ITGA5: variants seen among roughly 807,000 people sequenced by gnomAD.
The protein encoded by ITGA5 is integrin subunit alpha 5.
In ITGA5, 55 loss-of-function variants were observed where a neutral mutation model predicts 146.3. The observed-to-expected ratio is 0.38, with a 90% CI of 0.30 to 0.47. The LOEUF (loss-of-function observed/expected upper bound fraction) is 0.47. Ranked by LOEUF, ITGA5 falls within the 20% of genes least tolerant of loss-of-function variation. The pLI is 0.99. For synonymous variants in ITGA5, 500 were observed against 531.8 expected (o/e 0.94, Z 0.82); for missense variants, 1,131 against 1,329.0 (o/e 0.85, Z 2.32).
Position 54,408,168 on chromosome 12 carries a change from C to T in ITGA5, c.759G>A (p.Leu253=). The T allele has an allele frequency of 6.2e-7, 1 of 1,614,124 alleles. No homozygotes were observed. Among genetic ancestry groups the T allele is most frequent in the Non-Finnish European group, 8.5e-7 (1 of 1,179,986 alleles). Residue 253 remains leucine, a synonymous_variant, in exon 7 of 30, where the codon CTG becomes CTA. Transcript: ENST00000293379. ...ESYYPEYLIN[L]VQGQLQTRQA... The stretch of plus-strand genomic sequence containing the variant: ...GGCGAGTCTGCAGCTGCCCCTGAAC[C>T]AGGTTGATCAGGTACTCGGGGTAAT...
At position 54,400,995 on chromosome 12, in the gene ITGA5, G is replaced by A; in HGVS notation, c.2494C>T (p.Leu832Phe). 4 of 1,613,228 alleles carry A rather than the reference G, an allele frequency of 2.5e-6. No homozygotes were observed. In the South Asian group the frequency reaches 4.4e-5, roughly 18 times the overall value. Reference sequence around the variant, plus strand: ...ATGGAGCTGGGGCCTTGGTTGATGAGCTGAGGAGGGAAGAGCACAATCATC... The same window carrying A: ...ATGGAGCTGGGGCCTTGGTTGATGAACTGAGGAGGGAAGAGCACAATCATC... ...LGPAVHHVYE[L>F]INQGPSSISQ... The change falls in exon 25 of 30, where the codon CTC becomes TTC. Residue 832 changes from leucine to phenylalanine, a missense_variant and splice_region_variant. Around this residue, in one of 3 missense-constraint regions of ITGA5, gnomAD observed 889 missense variants for 1,021.5 expected, o/e 0.87. Transcript: ENST00000293379.
At position 54,401,796 on chromosome 12, in the gene ITGA5, C is replaced by A. The variant is rs1362305130; in HGVS notation, c.2286G>T (p.Gln762His). The A allele has an allele frequency of 6.2e-7, 1 of 1,614,190 alleles. No individual in the cohort carries two copies. Among genetic ancestry groups the A allele is most frequent in the Non-Finnish European group, 8.5e-7 (1 of 1,180,036 alleles). The change falls in exon 22 of 30, where the codon CAG (glutamine) becomes CAT (histidine). Residue 762 changes from glutamine to histidine, a missense_variant. Physicochemically the swap from Gln to His is conservative, Grantham distance 24. Around this residue, in one of 3 missense-constraint regions of ITGA5, gnomAD observed 889 missense variants for 1,021.5 expected, o/e 0.87. Coordinates refer to ENST00000293379, the MANE Select transcript of ITGA5 (RefSeq NM_002205.5). This position sits in a 1 kb window ranked among gnomAD's most constrained non-coding sequence, Gnocchi z 5.0. ...CCTACCTGAGGATCTGGAAGTCAAACTGGATGGTTTTCTTAGTGTCCCGGA... is the reference window on the plus strand; with the variant it reads ...CCTACCTGAGGATCTGGAAGTCAAAATGGATGGTTTTCTTAGTGTCCCGGA... Reference protein sequence around the residue: ...PHLRDTKKTIQFDFQILSKNL... With the variant: ...PHLRDTKKTIHFDFQILSKNL...
chr12:54,412,093 T>C (rs1955953377), intron 1 of ITGA5, 129 bp from the exon 2 acceptor site: 5 of 666,056 alleles, frequency 7.5e-6, no homozygotes, highest in Non-Finnish European at 1.2e-5. Context: ...TGCGTTGTAT[T>C]TATATCTCAG....
rs1221938805 is a variant in ITGA5, at chr12:54,419,130, G to A, written c.69C>T (p.Pro23=). ...GCAGCAACAGCAGCGGCAGCAGCGG[G>A]GGTCGGCGCCGGGGGCCCCAGCGCA... is the stretch of plus-strand genomic sequence containing the variant. ...VQLRWGPRRR[P]PLLPLLLLLL... Residue 23 remains proline (P), a synonymous_variant, in exon 1 of 30, where the codon CCC becomes CCT. Transcript: ENST00000293379. 2.5e-6 allele frequency: 4 copies of A among 1,589,528 alleles called. No homozygotes were observed. In the South Asian group the frequency reaches 3.4e-5, roughly 13 times the overall value.
intron 19 of ITGA5, 49 bp from the exon 20 acceptor site, chr12:54,402,379 C>T: frequency 6.5e-7 from 1 of 1,543,592 alleles, no homozygotes; most frequent in Non-Finnish European, 8.8e-7. Context: ...AATCCTCAAA[C>T]CAGGACAAAG....
At chr12:54,414,431 C>T (rs1955980559) in intron 1 of ITGA5, among the ~76,000 whole-genome samples, 1 of 152,156 alleles carries the variant, frequency 6.6e-6, no homozygotes, top group Non-Finnish European at 1.5e-5. Context: ...GTGGCCTAGG[C>T]TAATTAAAAC....
chr12:54,418,210 T>A (rs1415313946), intron 1 of ITGA5, among the ~76,000 whole-genome samples: 1 of 149,020 alleles, frequency 6.7e-6, no homozygotes, highest in Non-Finnish European at 1.5e-5. Flanking sequence ...CCCACCCCCC[T>A]TCACGCGCGC....
chr12:54,408,328 G>T, intron 6 of ITGA5, 93 bp from the exon 7 acceptor site: 1 of 1,435,244 alleles, frequency 7.0e-7, no homozygotes. Flanking sequence ...TCAGAAGTCT[G>T]GTTCAAGAAA....
chr12:54,400,934 G>A lies in ITGA5; in HGVS notation c.2555C>T (p.Ala852Val). The A allele has an allele frequency of 6.2e-7, 1 of 1,613,980 alleles. No individual in the cohort carries two copies. The highest frequency in any genetic ancestry group is 8.5e-7 in the Non-Finnish European group (1 of 1,179,914). The change falls in exon 25 of 30, where the codon GCT (alanine) becomes GTT (valine). Residue 852 changes from alanine (A) to valine (V), a missense_variant. Coordinates refer to ENST00000293379, the MANE Select transcript of ITGA5 (RefSeq NM_002205.5). ...ATATAGGAGCTGCTGACCTTCCAGA[G>A]CCTGGGGACAGCTGAGTTCCAGCAC... The part of the protein sequence containing the change: ...QGVLELSCPQ[A>V]LEGQQLLYVT...
chr12:54,416,261 G>A lies in ITGA5; in HGVS notation c.218+2720C>T, dbSNP rs886156850. ...ATTTTTTTATTTTTAGTAGAGATGG[G>A]GTTTCACCATGTTGGCCAGGCTGGT... On this transcript the variant is annotated intron_variant, in intron 1 of 29. Coordinates refer to ENST00000293379, the MANE Select transcript of ITGA5 (RefSeq NM_002205.5). The surrounding 1 kb of genome is among the most constrained non-coding windows in gnomAD (Gnocchi z 4.1). Among the ~76,000 whole-genome samples the A allele has an allele frequency of 6.6e-6, 1 of 152,132 alleles. No homozygotes were observed. The highest frequency in any genetic ancestry group is 2.4e-5 in the African/African-American group (1 of 41,426).
At chr12:54,396,975 C>A (rs779311573) in intron 29 of ITGA5, among the ~76,000 whole-genome samples, 1 of 152,108 alleles carries the variant, frequency 6.6e-6, no homozygotes, top group Non-Finnish European at 1.5e-5. Flanking sequence ...TGTGAGCCAC[C>A]ACACCTGGCC....
chr12:54,401,645 T>C lies in ITGA5; in HGVS notation c.2327A>G (p.Gln776Arg). 2 of 1,614,180 alleles carry C rather than the reference T, an allele frequency of 1.2e-6. No homozygotes were observed. Among genetic ancestry groups the C allele is most frequent in the Non-Finnish European group, 1.7e-6 (2 of 1,180,044 alleles). Reference sequence around the variant, plus strand: ...GAGCCGAAAGGAAACCACGTCGCTTTGCGAGTTGTTGAGATTCTTGCTGTG... The same window carrying C: ...GAGCCGAAAGGAAACCACGTCGCTTCGCGAGTTGTTGAGATTCTTGCTGTG... ...QILSKNLNNS[Q>R]SDVVSFRLSV... Residue 776 changes from glutamine to arginine, a missense_variant, in exon 23 of 30, where the codon CAA (glutamine) becomes CGA (arginine). Transcript: ENST00000293379. This position sits in a 1 kb window ranked among gnomAD's most constrained non-coding sequence, Gnocchi z 5.0.
rs775161802 is a variant in ITGA5 at position 54,405,953 on chromosome 12, G to A, written c.907-27C>T. 3.1e-6 allele frequency: 5 copies of A among 1,597,252 alleles called. No homozygotes were observed. The Admixed American group carries it at 6.7e-5, about 21-fold the overall frequency. ...TGGGAGATGAAGAGATAGGCCCATTGGTCCTGGACTCCCAGAATATCCCAT... is the reference window on the plus strand; with the variant it reads ...TGGGAGATGAAGAGATAGGCCCATTAGTCCTGGACTCCCAGAATATCCCAT... On this transcript the variant is annotated intron_variant, in intron 9 of 29. Transcript: ENST00000293379.
In ITGA5 at chr12:54,401,961, T is replaced by A; in HGVS notation, c.2226+40A>T. 1 of 1,608,152 alleles carries A rather than the reference T, an allele frequency of 6.2e-7. No individual in the cohort carries two copies. Among genetic ancestry groups the A allele is most frequent in the Non-Finnish European group, 8.5e-7 (1 of 1,174,688 alleles). ...GCTGGCTGGTTACCGCCCTCAGGTCTGCTCTCCCTCTGTCCCATCCTCTTT... is the reference window on the plus strand; with the variant it reads ...GCTGGCTGGTTACCGCCCTCAGGTCAGCTCTCCCTCTGTCCCATCCTCTTT... On this transcript the variant is annotated intron_variant, in intron 21 of 29. Coordinates refer to ENST00000293379, the MANE Select transcript of ITGA5 (RefSeq NM_002205.5). The surrounding 1 kb of genome is among the most constrained non-coding windows in gnomAD (Gnocchi z 5.0).
Position 54,403,737 on chromosome 12 carries a change from C to T in ITGA5, c.1664G>A (p.Gly555Glu), listed in dbSNP as rs1955821550. 2.5e-6 allele frequency: 4 copies of T among 1,614,100 alleles called. No homozygotes were observed. The highest frequency in any genetic ancestry group is 3.4e-6 in the Non-Finnish European group (4 of 1,180,042). ...CAGGAACAGTGCCCGCCGTACCCCTCCCTTCTGCTTCTGCCAGTCCAGCTG... is the reference window on the plus strand; with the variant it reads ...CAGGAACAGTGCCCGCCGTACCCCTTCCTTCTGCTTCTGCCAGTCCAGCTG... ...ELQLDWQKQK[G>E]GVRRALFLAS... The change falls in exon 17 of 30, where the codon GGA becomes GAA. Residue 555 changes from glycine to glutamate, a missense_variant. Physicochemically the swap from Gly to Glu is moderately conservative, Grantham distance 98. Transcript: ENST00000293379. This position sits in a 1 kb window ranked among gnomAD's most constrained non-coding sequence, Gnocchi z 4.9.
chr12:54,402,319 T>C lies in ITGA5; in HGVS notation c.1994A>G (p.His665Arg). 1.2e-6 allele frequency: 2 copies of C among 1,613,362 alleles called. No homozygotes were observed. The highest frequency in any genetic ancestry group is 8.5e-7 in the Non-Finnish European group (1 of 1,179,582). The change falls in exon 20 of 30, where the codon CAT becomes CGT. Residue 665 changes from histidine (H) to arginine (R), a missense_variant. This residue lies in a region of ITGA5 where 889 missense variants were observed against 1,021.5 expected (regional missense o/e 0.87). Coordinates refer to ENST00000293379, the MANE Select transcript of ITGA5 (RefSeq NM_002205.5). ...LQLEVFGEQN[H>R]VYLGDKNALN... ...GGCATTCTTGTCACCCAGGTACACA[T>C]GGTTCTGCTCCCTGGAAGGGACACA...
chr12:54,411,844 A>G lies in ITGA5; in HGVS notation c.339T>C (p.Phe113=). The G allele has an allele frequency of 1.3e-6, 2 of 1,511,910 alleles. No individual in the cohort carries two copies. The highest frequency in any genetic ancestry group is 1.8e-6 in the Non-Finnish European group (2 of 1,126,782). 93.7% of individuals were successfully genotyped at this position (1,511,910 alleles called of 1,614,324 possible). ...ASPTQCTPIE[F]DSKGSRLLES... is the part of the protein sequence containing the mutation. Reference sequence around the variant, plus strand: ...ATTTCACTGGCCTACCTTTGCTGTCAAATTCAATGGGGGTGCACTGTGTGG... The same window carrying G: ...ATTTCACTGGCCTACCTTTGCTGTCGAATTCAATGGGGGTGCACTGTGTGG... Residue 113 remains phenylalanine, a synonymous_variant, in exon 2 of 30, where the codon TTT becomes TTC. Transcript: ENST00000293379.
chr12:54,399,604 C>CCCCCA, intron 27 of ITGA5, 41 bp downstream of exon 27: 2 of 1,474,188 alleles, frequency 1.4e-6, no homozygotes, highest in Non-Finnish European at 1.9e-6. Flanking sequence ...TCTAAGCAGG[C>CCCCCA]CCAAAGGTCA....
At chr12:54,415,906 CTCAAGCTT>C (rs1956001890) in intron 1 of ITGA5, among the ~76,000 whole-genome samples, 1 of 152,222 alleles carries the variant, frequency 6.6e-6, no homozygotes, top group African/African-American at 2.4e-5. Context: ...TGGCCTGCCT[CTCAAGCTT>C]TCAAGTGTCC....
Sources: allele counts gnomAD v4.1 joint callset (sites outside exome capture counted in the v4.1 genomes callset), GRCh38; gene constraint gnomAD v4.1.1; regional missense constraint gnomAD v4.1.1; non-coding constraint Gnocchi (gnomAD v3.1); transcripts MANE v1.5; gene names NCBI Gene and HGNC (gene_info 2026-07-23, HGNC 2026-07-21).